The following FCRL3 variants were observed in gnomAD, a reference collection of about 807,000 sequenced individuals.
FCRL3 encodes Fc receptor like 3, also known as Fc receptor-like protein 3.
In FCRL3, 89 loss-of-function variants were observed where a neutral mutation model predicts 75.0. The observed-to-expected ratio is 1.19, with a 90% CI of 1.00 to 1.42. The LOEUF (loss-of-function observed/expected upper bound fraction) is 1.42. Ranked by LOEUF, FCRL3 falls within the 40% of genes most tolerant of loss-of-function variation. The pLI, the probability that FCRL3 is intolerant of heterozygous loss-of-function variation, is 0.00. For synonymous variants in FCRL3, 376 were observed against 348.5 expected, an observed-to-expected ratio of 1.08 and a Z score of -0.88; for missense variants, 946 against 880.0, an observed-to-expected ratio of 1.07 and a Z score of -0.95.
At position 157,697,754 on chromosome 1, in the gene FCRL3, GA is replaced by G. The variant is rs1656040488; in HGVS notation, c.463del (p.Ser155ProfsTer22). On this transcript the variant is annotated frameshift_variant, in exon 5 of 15. Transcript: ENST00000368184. LOFTEE classifies it high-confidence loss of function. ...ACAATGATATTTGCTATTATCCCTG[GA>G]GACTGAATTCACTGTGATCTTCTCT... ...NLEKITVNSV[S>X]RDNSKYHCTA... The G allele has an allele frequency of 7.4e-6, 12 of 1,614,012 alleles. No individual in the cohort carries two copies. Among genetic ancestry groups the G allele is most frequent in the Non-Finnish European group, 8.5e-7 (1 of 1,179,970 alleles).
At chr1:157,679,643 A>G (rs577699319) in intron 13 of FCRL3, among the ~76,000 whole-genome samples, 1 of 152,134 alleles carries the variant, frequency 6.6e-6, no homozygotes, top group African/African-American at 2.4e-5. Flanking sequence ...CTCCTGGACA[A>G]CATAGTGAAA....
intron 6 of FCRL3, 82 bp downstream of exon 6, chr1:157,697,058 A>G: frequency 7.8e-7 from 1 of 1,280,064 alleles, no homozygotes; most frequent in Non-Finnish European, 1.0e-6. Context: ...TGTTATGTCC[A>G]CCATCCTAGG....
At chr1:157,697,098 C>T (rs1390453116) in intron 6 of FCRL3, 42 bp downstream of exon 6, 1 of 1,398,962 alleles carries the variant, frequency 7.1e-7, no homozygotes, top group African/African-American at 1.5e-5. Flanking sequence ...GCCTTCCTCT[C>T]CCCAGCTCTG....
In FCRL3 at chr1:157,677,119, G is replaced by A. The variant is rs1654511851; in HGVS notation, c.*1591C>T. 9.3e-7 allele frequency: 1 copy of A among 1,069,990 alleles called. No homozygotes were observed. The highest frequency in any genetic ancestry group is 1.1e-6 in the Non-Finnish European group (1 of 877,966). The allele number at this position is 1,069,990 out of a possible 1,614,324, so 66.3% of individuals were successfully genotyped here. A position where few individuals can be genotyped will look rare whatever the true frequency, so the allele number is the denominator to read the frequency against. On this transcript the variant is annotated 3_prime_UTR_variant, in exon 15 of 15. Transcript: ENST00000368184. ...AAAGGCCAGGATAAGGGTAACAGAG[G>A]CCAGTGGGAGCAGTGTGGATTGATC...
chr1:157,685,057 G>A (rs1332064564), intron 10 of FCRL3, among the ~76,000 whole-genome samples: 1 of 151,766 alleles, frequency 6.6e-6, no homozygotes, highest in Non-Finnish European at 1.5e-5. Flanking sequence ...CCTAAGTCTG[G>A]GGGACAGACC....
intron 10 of FCRL3, 121 bp downstream of exon 10, chr1:157,689,677 A>T: frequency 7.8e-7 from 1 of 1,281,820 alleles, no homozygotes; most frequent in Non-Finnish European, 1.1e-6. Flanking sequence ...GACAGTGAGT[A>T]GTGGAACTGA....
At position 157,697,325 on chromosome 1, in the gene FCRL3, G is replaced by A; in HGVS notation, c.659C>T (p.Pro220Leu). 6.2e-7 allele frequency: 1 copy of A among 1,612,328 alleles called. No individual in the cohort carries two copies. The highest frequency in any genetic ancestry group is 8.5e-7 in the Non-Finnish European group (1 of 1,179,026). The change falls in exon 6 of 15, where the codon CCA (proline) becomes CTA (leucine). Residue 220 changes from proline (P) to leucine (L), a missense_variant. Physicochemically the swap from Pro to Leu is moderately conservative, Grantham distance 98 (BLOSUM62 -3). Coordinates refer to ENST00000368184, the MANE Select transcript of FCRL3 (RefSeq NM_052939.4). ...TCETQLSPQR[P>L]DVQLQFSLFR... ...GAGGGAGAATTGCAGCTGGACATCT[G>A]GCCTCTGTGGAGAGAGCTGGGTCTC...
Position 157,678,734 on chromosome 1 carries a change from A to T in FCRL3, c.2181T>A (p.Arg727=). Residue 727 remains arginine (R), a synonymous_variant, in exon 15 of 15, where the codon CGT becomes CGA. Transcript: ENST00000368184. ...GCTAGTGGTCTGAGGCCAGTAATAC[A>T]CGTGGTACATTCTCATAGTTTTCTT... ...DDEENYENVP[R]VLLASDH is the part of the protein sequence containing the mutation. 6.2e-7 allele frequency: 1 copy of T among 1,613,860 alleles called. No homozygotes were observed. Among genetic ancestry groups the T allele is most frequent in the Non-Finnish European group, 8.5e-7 (1 of 1,179,970 alleles).
rs568077156 is a variant in FCRL3, at chr1:157,677,854, T to C, written c.*856A>G. On this transcript the variant is annotated 3_prime_UTR_variant, in exon 15 of 15. Transcript: ENST00000368184. ...TAGGAGAGCATGGGAATAATGAACATGAGATTTAGAATGGTTTTTTATCAG... is the reference window on the plus strand; with the variant it reads ...TAGGAGAGCATGGGAATAATGAACACGAGATTTAGAATGGTTTTTTATCAG... The C allele has an allele frequency of 7.3e-6, 5 of 682,644 alleles. No individual in the cohort carries two copies. In the South Asian group the frequency reaches 2.6e-4, roughly 36 times the overall value. 42.3% of individuals were successfully genotyped at this position (682,644 alleles called of 1,614,324 possible).
At chr1:157,690,556 C>A (rs2101609215) in intron 8 of FCRL3, 23 bp from the exon 9 acceptor site, 4 of 1,611,130 alleles carry the variant, frequency 2.5e-6, no homozygotes, top group Non-Finnish European at 2.5e-6. Context: ...AAATAGTTCA[C>A]TGGCAGTTTT....
chr1:157,681,138 G>C, intron 11 of FCRL3, 39 bp from the exon 12 acceptor site: 1 of 1,365,502 alleles, frequency 7.3e-7, no homozygotes, highest in Non-Finnish European at 9.8e-7. Context: ...AAAAGTATCT[G>C]TGGGTTACAC....
In FCRL3 at chr1:157,676,560, T is replaced by C. The variant is rs1654469155; in HGVS notation, c.*2150A>G. On this transcript the variant is annotated 3_prime_UTR_variant, in exon 15 of 15. Transcript: ENST00000368184. The stretch of plus-strand genomic sequence containing the variant: ...AGATTTCTGGGCTATGGGTTTTTAG[T>C]TGTGAATTCAAAGATAAAAGTCAAG... 1.5e-6 allele frequency: 1 copy of C among 681,606 alleles called. No individual in the cohort carries two copies. The highest frequency in any genetic ancestry group is 2.4e-6 in the Non-Finnish European group (1 of 422,678). The allele number at this position is 681,606 out of a possible 1,614,324, so 42.2% of individuals were successfully genotyped here.
intron 6 of FCRL3, chr1:157,696,706 G>A (rs973622317): frequency 8.0e-6 from 2 of 250,544 alleles, no homozygotes; most frequent in Non-Finnish European, 1.5e-5. Context: ...TATTCTTCAA[G>A]ACTTCTCCAG....
At chr1:157,693,258 G>C (rs1015572204) in intron 8 of FCRL3, among the ~76,000 whole-genome samples, 5 of 111,016 alleles carry the variant, frequency 4.5e-5, no homozygotes, top group Non-Finnish European at 8.4e-5. Context: ...CAGGGCAACA[G>C]AGTAAGACTC....
At position 157,695,662 on chromosome 1, in the gene FCRL3, C is replaced by A. The variant is rs771027622; in HGVS notation, c.1133-55G>T. 2.6e-5 allele frequency: 40 copies of A among 1,539,536 alleles called. No homozygotes were observed. In the Middle Eastern group the frequency reaches 1.9e-3, roughly 74 times the overall value. ...TTCTGACGTTGTGACAGATGCACAA[C>A]CTCTCTCAAGGAGCCTAGCAATGGA... On this transcript the variant is annotated intron_variant, in intron 7 of 14. Transcript: ENST00000368184.
chr1:157,699,357 G>A (rs753997022), intron 3 of FCRL3, among the ~76,000 whole-genome samples: 1 of 152,180 alleles, frequency 6.6e-6, no homozygotes, highest in African/African-American at 2.4e-5. Flanking sequence ...TTTGATAGCA[G>A]CACTAGCTTG....
rs1656177641 is a variant in FCRL3 at position 157,699,545 on chromosome 1, C to T, written c.52+147G>A. On this transcript the variant is annotated intron_variant, in intron 3 of 14. Coordinates refer to ENST00000368184, the MANE Select transcript of FCRL3 (RefSeq NM_052939.4). ...TAGAGACTGAAAAAGTCGGAGGAGG[C>T]TCTGTTCACCCAATATAGTAGCAGA... 12 of 668,130 alleles carry T rather than the reference C, an allele frequency of 1.8e-5. No individual in the cohort carries two copies. In the South Asian group the frequency reaches 2.7e-4, roughly 15 times the overall value. The allele number at this position is 668,130 out of a possible 1,614,324, so 41.4% of individuals were successfully genotyped here. A position where few individuals can be genotyped will look rare whatever the true frequency, so the allele number is the denominator to read the frequency against.
chr1:157,680,854 C>T, intron 12 of FCRL3, 84 bp from the exon 13 acceptor site: 1 of 1,472,442 alleles, frequency 6.8e-7, no homozygotes, highest in Non-Finnish European at 9.5e-7. Flanking sequence ...TCATAACCAA[C>T]TTCTATTCCC....
In FCRL3 at chr1:157,700,757, T is replaced by C. The variant is rs764006202; in HGVS notation, c.-192A>G. Reference sequence around the variant, plus strand: ...CAGCTGCAGTCTCTCAGGAGTAATGTCTCCAAGACTGTGCCTGGGTTCTCT... The same window carrying C: ...CAGCTGCAGTCTCTCAGGAGTAATGCCTCCAAGACTGTGCCTGGGTTCTCT... On this transcript the variant is annotated 5_prime_UTR_variant, in exon 1 of 15. Transcript: ENST00000368184. 2.3e-5 allele frequency: 31 copies of C among 1,329,544 alleles called. No individual in the cohort carries two copies. The highest frequency in any genetic ancestry group is 2.9e-5 in the Non-Finnish European group (30 of 1,034,662). The allele number at this position is 1,329,544 out of a possible 1,614,324, so 82.4% of individuals were successfully genotyped here.
Sources: allele counts gnomAD v4.1 joint callset (sites outside exome capture counted in the v4.1 genomes callset), GRCh38; gene constraint gnomAD v4.1.1; transcripts MANE v1.5; gene names NCBI Gene and HGNC (gene_info 2026-07-23, HGNC 2026-07-21).